Variants in PDK3 observed in about 807,000 individuals in gnomAD.
PDK3 encodes the protein pyruvate dehydrogenase kinase, isozyme 3.
PDK3 carries 12 observed loss-of-function variants against 32.0 expected under a neutral mutation model. The observed-to-expected ratio is 0.37, with a 90% CI of 0.24 to 0.61. The LOEUF (loss-of-function observed/expected upper bound fraction) is 0.61. Among genes scored for constraint, PDK3 ranks in the 20% least tolerant of loss-of-function variants. The probability of loss-of-function intolerance (pLI) is 0.65; values close to 1 mark genes in which losing one functional copy is unlikely to be tolerated. For missense variants in PDK3, 188 were observed against 316.9 expected, an observed-to-expected ratio of 0.59 and a Z score of 3.09; for synonymous variants, 122 against 116.3, an observed-to-expected ratio of 1.05 and a Z score of -0.31.
Position 24,465,503 on chromosome X carries a change from C to A in PDK3, c.48C>A (p.Ile16=). 2 of 1,209,635 alleles carry A rather than the reference C, an allele frequency of 1.7e-6. No homozygotes were observed. Among genetic ancestry groups the A allele is most frequent in the Non-Finnish European group, 2.2e-6 (2 of 893,576 alleles). ...WLLKQPVPKQ[I]ERYSRFSPSP... is the part of the protein sequence containing the mutation. ...TGAAGCAGCCGGTGCCCAAGCAGAT[C>A]GAGCGCTACTCGCGCTTTTCGCCGT... Residue 16 remains isoleucine (I), a synonymous_variant, in exon 1 of 11, where the codon ATC becomes ATA. Coordinates refer to ENST00000379162, the MANE Select transcript of PDK3 (RefSeq NM_005391.5).
intron 1 of PDK3, among the ~76,000 whole-genome samples, chrX:24,472,675 CTTTTTTTTT>C (rs761538432): frequency 4.0e-5 from 2 of 49,717 alleles, no homozygotes; most frequent in Non-Finnish European, 3.4e-5. Flanking sequence ...TTCTTTCTTT[CTTTTTTTTT>C]TTTTTTTTTT....
chrX:24,535,902 CAA>C (rs1254432751), downstream of PDK3, among the ~76,000 whole-genome samples: 6 of 27,446 alleles, frequency 2.2e-4, no homozygotes, highest in Non-Finnish European at 2.8e-4. Context: ...CCATGCTGGT[CAA>C]AAAAAAAAAA....
intron 1 of PDK3, among the ~76,000 whole-genome samples, chrX:24,467,456 A>G (rs1356281836): frequency 8.9e-6 from 1 of 112,345 alleles, no homozygotes; most frequent in Non-Finnish European, 1.9e-5. Context: ...TAAGGTCATG[A>G]GAGAAGCATA....
rs1205241383 is a variant in PDK3 at position 24,487,576 on chromosome X, A to G, written c.107-7166A>G. ...CCAATTTAAACATGGCTAATGGGAAAAGTACATTGCCAACTCAGACATTTA... is the reference window on the plus strand; with the variant it reads ...CCAATTTAAACATGGCTAATGGGAAGAGTACATTGCCAACTCAGACATTTA... On this transcript the variant is annotated intron_variant, in intron 1 of 10. Transcript: ENST00000379162. 6.3e-5 allele frequency among the ~76,000 whole-genome samples: 7 copies of G among 111,855 alleles called. No individual in the cohort carries two copies. In the Admixed American group the frequency reaches 6.7e-4, roughly 11 times the overall value.
At chrX:24,531,988 G>A (rs1338978789) in intron 10 of PDK3, among the ~76,000 whole-genome samples, 1 of 111,970 alleles carries the variant, frequency 8.9e-6, no homozygotes, top group Non-Finnish European at 1.9e-5. Flanking sequence ...GATTTTGGCC[G>A]GGCGTGGTGG....
intron 1 of PDK3, among the ~76,000 whole-genome samples, chrX:24,490,707 C>T (rs1312443106): frequency 9.1e-6 from 1 of 110,491 alleles, no homozygotes; most frequent in Admixed American, 9.7e-5. Context: ...TCCTTTTTAC[C>T]TTCCTAAAAT....
intron 5 of PDK3, among the ~76,000 whole-genome samples, chrX:24,516,484 C>G (rs1276469218): frequency 8.9e-6 from 1 of 111,930 alleles, no homozygotes; most frequent in African/African-American, 3.3e-5. Context: ...ATATGGTATA[C>G]TTGTACAATG....
intron 1 of PDK3, among the ~76,000 whole-genome samples, chrX:24,475,703 G>A (rs755520588): frequency 3.6e-5 from 4 of 109,884 alleles, no homozygotes; most frequent in Non-Finnish European, 7.6e-5. Flanking sequence ...GGAAAGAAGG[G>A]AGGAAAGGTA....
intron 1 of PDK3, among the ~76,000 whole-genome samples, chrX:24,479,173 A>G (rs780844983): frequency 4.2e-4 from 47 of 112,543 alleles, no homozygotes; most frequent in African/African-American, 1.5e-3. Flanking sequence ...TGGATTTTGT[A>G]TAACTTTGGT....
chrX:24,491,079 G>A (rs191585144), intron 1 of PDK3, among the ~76,000 whole-genome samples: 3 of 109,759 alleles, frequency 2.7e-5, no homozygotes, highest in Admixed American at 9.8e-5. Context: ...TTGGGAGGCC[G>A]AGGTGGGCGG....
At chrX:24,547,564 G>T (rs1263816629) in exon 12 of PDK3, 3 of 112,059 alleles carry the variant, frequency 2.7e-5, no homozygotes, top group African/African-American at 9.7e-5. Context: ...TGAATACCAT[G>T]GCTTGAGCTT....
intron 1 of PDK3, among the ~76,000 whole-genome samples, chrX:24,473,240 G>T (rs1921019266): frequency 9.5e-6 from 1 of 104,870 alleles, no homozygotes; most frequent in Admixed American, 1.0e-4. Context: ...CAGGCATGGT[G>T]GTGGGCGCCT....
At chrX:24,479,675 C>T (rs941207503) in intron 1 of PDK3, among the ~76,000 whole-genome samples, 4 of 110,483 alleles carry the variant, frequency 3.6e-5, no homozygotes, top group South Asian at 3.9e-4. Flanking sequence ...ATCCCAGCAA[C>T]TTAGGAGGCT....
chrX:24,487,391 A>T (rs1203796525), intron 1 of PDK3, among the ~76,000 whole-genome samples: 2 of 112,006 alleles, frequency 1.8e-5, no homozygotes, highest in Non-Finnish European at 3.8e-5. Context: ...CGGAGGGGGA[A>T]GTGGGCGCGG....
intron 9 of PDK3, among the ~76,000 whole-genome samples, chrX:24,529,514 T>C (rs1922597497): frequency 9.0e-6 from 1 of 111,183 alleles, no homozygotes; most frequent in Non-Finnish European, 1.9e-5. Flanking sequence ...TCCTAGCACT[T>C]TGGGAGGCCA....
exon 12 of PDK3, among the ~76,000 whole-genome samples, chrX:24,540,870 A>C (rs1259705441): frequency 1.2e-5 from 1 of 84,312 alleles, no homozygotes; most frequent in Non-Finnish European, 2.2e-5. Flanking sequence ...GGTCCTTTAC[A>C]TGCAAAGACC....
chrX:24,548,117 C>G (rs187224478), exon 12 of PDK3: 1 of 112,053 alleles, frequency 8.9e-6, no homozygotes, highest in Non-Finnish European at 1.9e-5. Flanking sequence ...ACAGTGTGTT[C>G]AGATTTGTTA....
At chrX:24,512,082 C>T (rs1254507641) in intron 5 of PDK3, among the ~76,000 whole-genome samples, 1 of 111,392 alleles carries the variant, frequency 9.0e-6, no homozygotes, top group African/African-American at 3.3e-5. Context: ...TATTTAGCAC[C>T]TTAGTATCTA....
At chrX:24,488,067 A>G (rs1057469296) in intron 1 of PDK3, among the ~76,000 whole-genome samples, 1 of 109,627 alleles carries the variant, frequency 9.1e-6, no homozygotes, top group African/African-American at 3.3e-5. Context: ...AATTGAAGAA[A>G]TAATTATTTT....
Sources: gnomAD v4.1 joint callset for allele counts (sites outside exome capture counted in the v4.1 genomes callset) on GRCh38, gnomAD v4.1.1 for gene constraint, MANE v1.5 for transcripts, NCBI Gene and HGNC (gene_info 2026-07-23, HGNC 2026-07-21) for gene names.